The following TEKT5 variants were observed in gnomAD, a reference collection of about 807,000 sequenced individuals.
TEKT5 encodes the protein tektin 5, also known as tektin-5.
A neutral mutation model predicts 48.7 loss-of-function variants in TEKT5; 52 were observed. The observed-to-expected ratio is 1.07, with a 90% CI of 0.86 to 1.35. The LOEUF (loss-of-function observed/expected upper bound fraction) is 1.35, where lower values mean the gene tolerates loss of function less well. TEKT5 is among the 40% of genes most tolerant of loss of function. The pLI is 0.00. For synonymous variants in TEKT5, 318 were observed against 267.6 expected (o/e 1.19, Z -1.84); for missense variants, 831 against 641.6 (o/e 1.30, Z -3.19).
At position 10,690,265 on chromosome 16, in the gene TEKT5, G is replaced by A. The variant is rs191328678; in HGVS notation, c.565-240C>T. 2.5e-5 allele frequency: 13 copies of A among 519,696 alleles called. No homozygotes were observed. The East Asian group carries it at 4.0e-4, about 16-fold the overall frequency. The allele number at this position is 519,696 out of a possible 1,614,324, so 32.2% of individuals were successfully genotyped here. A position where few individuals can be genotyped will look rare whatever the true frequency, so the allele number is the denominator to read the frequency against. On this transcript the variant is annotated intron_variant, in intron 1 of 6. Transcript: ENST00000283025. ...TGCAAGGCCCATGTAGAGAAAACAG[G>A]ATAAAGTAGCATCCCAAGAACCAAT...
intron 5 of TEKT5, among the ~76,000 whole-genome samples, chr16:10,640,761 C>A (rs1281599141): frequency 2.6e-5 from 4 of 152,188 alleles, no homozygotes; most frequent in African/African-American, 9.7e-5. Context: ...GGCTTCTTCA[C>A]TCAGCATAAT....
At chr16:10,689,763 C>T (rs1898933474) in intron 2 of TEKT5, among the ~76,000 whole-genome samples, 179 bp downstream of exon 2, 1 of 152,080 alleles carries the variant, frequency 6.6e-6, no homozygotes, top group East Asian at 1.9e-4. Flanking sequence ...GGTCAAATAA[C>T]TCCATTACTC....
intron 5 of TEKT5, among the ~76,000 whole-genome samples, chr16:10,640,074 C>CTTCTTCCCTTCCTTCCT (rs1897970802): frequency 7.3e-6 from 1 of 136,556 alleles, no homozygotes; most frequent in African/African-American, 3.0e-5. Flanking sequence ...TTTCTTTCTC[C>CTTCTTCCCTTCCTTCCT]TTCTTCTCCT....
Position 10,690,020 on chromosome 16 carries a change from G to C in TEKT5, c.570C>G (p.Ala190=). The C allele has an allele frequency of 6.2e-7, 1 of 1,613,974 alleles. No individual in the cohort carries two copies. Among genetic ancestry groups the C allele is most frequent in the South Asian group, 1.1e-5 (1 of 91,072 alleles). Residue 190 remains alanine (A), a synonymous_variant, in exon 2 of 7, where the codon GCC becomes GCG. Coordinates refer to ENST00000283025, the MANE Select transcript of TEKT5 (RefSeq NM_144674.2). ...ANEVNCPLQV[A]LECLYHREKR... Reference sequence around the variant, plus strand: ...TCTCTCGATGGTACAGACACTCCAAGGCCACCTGTGGGAAGCAGCAGAAAG... The same window carrying C: ...TCTCTCGATGGTACAGACACTCCAACGCCACCTGTGGGAAGCAGCAGAAAG...
Position 10,627,681 on chromosome 16 carries a change from G to C in TEKT5, c.1360C>G (p.Leu454Val), listed in dbSNP as rs752506226. ...CAGAGGGTGTTGGCCTTGATGGCGA[G>C]CTCGTGCTCCAGCCGGCACTTGGTC... ...VMTKCRLEHE[L>V]AIKANTLCID... The change falls in exon 7 of 7, where the codon CTC (leucine) becomes GTC (valine). Residue 454 changes from leucine to valine, a missense_variant. By Grantham distance (32) the Leu-to-Val change is conservative. Transcript: ENST00000283025. The C allele has an allele frequency of 6.2e-7, 1 of 1,614,202 alleles. No homozygotes were observed. Among genetic ancestry groups the C allele is most frequent in the Non-Finnish European group, 8.5e-7 (1 of 1,180,042 alleles).
chr16:10,635,655 G>A, intron 6 of TEKT5, 109 bp downstream of exon 6: 4 of 1,479,506 alleles, frequency 2.7e-6, no homozygotes, highest in Non-Finnish European at 2.7e-6. Flanking sequence ...CCTGATTGAA[G>A]GAGGGTCCAT....
Position 10,627,819 on chromosome 16 carries a change from G to C in TEKT5, c.1242-20C>G. The C allele has an allele frequency of 1.2e-6, 2 of 1,603,612 alleles. No homozygotes were observed. Among genetic ancestry groups the C allele is most frequent in the Non-Finnish European group, 1.7e-6 (2 of 1,171,052 alleles). The stretch of plus-strand genomic sequence containing the variant: ...ACCAGCCTGGGGTGAGGGCAGAGGA[G>C]AAGGCACAGGTTATTCATTTATTTT... On this transcript the variant is annotated intron_variant, in intron 6 of 6. Coordinates refer to ENST00000283025, the MANE Select transcript of TEKT5 (RefSeq NM_144674.2).
intron 5 of TEKT5, among the ~76,000 whole-genome samples, chr16:10,666,251 C>G (rs1019820051): frequency 6.6e-6 from 1 of 152,116 alleles, no homozygotes; most frequent in Non-Finnish European, 1.5e-5. Flanking sequence ...TTGGCCTGTT[C>G]AGGCAACAGT....
intron 5 of TEKT5, among the ~76,000 whole-genome samples, chr16:10,668,263 G>A (rs989852797): frequency 8.5e-5 from 13 of 152,270 alleles, no homozygotes; most frequent in Admixed American, 7.9e-4. Flanking sequence ...TGTTAGAAAG[G>A]CAGACGGGCA....
chr16:10,667,931 G>C (rs1251760787), intron 5 of TEKT5, among the ~76,000 whole-genome samples: 1 of 151,344 alleles, frequency 6.6e-6, no homozygotes, highest in Non-Finnish European at 1.5e-5. Context: ...AGGCTGGAGT[G>C]CAGTGGCATG....
intron 5 of TEKT5, among the ~76,000 whole-genome samples, chr16:10,638,649 T>A (rs1897949265): frequency 6.6e-6 from 1 of 152,128 alleles, no homozygotes; most frequent in African/African-American, 2.4e-5. Context: ...CTTCATGGGG[T>A]CACCTGCTAG....
chr16:10,643,940 G>A (rs1295224450), intron 5 of TEKT5, among the ~76,000 whole-genome samples: 4 of 152,112 alleles, frequency 2.6e-5, no homozygotes, highest in South Asian at 4.1e-4. Flanking sequence ...TACGCGGGAG[G>A]CTGAGGCAGG....
intron 5 of TEKT5, among the ~76,000 whole-genome samples, chr16:10,657,706 C>T (rs1467986411): frequency 1.3e-5 from 2 of 151,670 alleles, no homozygotes; most frequent in Non-Finnish European, 2.9e-5. Flanking sequence ...TCTCCTGCCT[C>T]AGCCTCCTGA....
chr16:10,662,324 T>C (rs576369598), intron 5 of TEKT5, among the ~76,000 whole-genome samples: 75 of 152,336 alleles, frequency 4.9e-4, no homozygotes, highest in African/African-American at 1.8e-3. Flanking sequence ...ATTACTGTTG[T>C]CATAAGGCTG....
intron 5 of TEKT5, 65 bp downstream of exon 5, chr16:10,675,894 C>T: frequency 2.6e-6 from 4 of 1,538,130 alleles, no homozygotes; most frequent in Non-Finnish European, 3.6e-6. Flanking sequence ...AGATAACACT[C>T]AGATTCACGG....
rs764975878 is a variant in TEKT5 at position 10,694,876 on chromosome 16, T to G, written c.-3A>C. 1.6e-5 allele frequency: 24 copies of G among 1,537,090 alleles called. No homozygotes were observed. The highest frequency in any genetic ancestry group is 2.1e-5 in the Non-Finnish European group (24 of 1,146,354). On this transcript the variant is annotated 5_prime_UTR_variant, in exon 1 of 7. Coordinates refer to ENST00000283025, the MANE Select transcript of TEKT5 (RefSeq NM_144674.2). ...TGAGTAGTCCCAAGAAACTCCATCC[T>G]CCCTCATGAGCCCCACTCGGGCAAA... is the stretch of plus-strand genomic sequence containing the variant.
intron 6 of TEKT5, among the ~76,000 whole-genome samples, chr16:10,631,099 C>A (rs1274248660): frequency 4.0e-5 from 6 of 151,218 alleles, no homozygotes; most frequent in African/African-American, 1.2e-4. Context: ...CACACACACA[C>A]ACAAAAATTA....
At chr16:10,629,749 C>CT (rs1170337122) in intron 6 of TEKT5, among the ~76,000 whole-genome samples, 1 of 116,566 alleles carries the variant, frequency 8.6e-6, no homozygotes, top group African/African-American at 3.4e-5. Context: ...AGGATAGTCC[C>CT]TGCCAGCGGC....
intron 5 of TEKT5, among the ~76,000 whole-genome samples, chr16:10,636,462 A>G (rs1897915171): frequency 6.6e-6 from 1 of 152,002 alleles, no homozygotes; most frequent in African/African-American, 2.4e-5. Flanking sequence ...AAGACGGGCC[A>G]GTATCATGGT....
Sources: allele counts gnomAD v4.1 joint callset (sites outside exome capture counted in the v4.1 genomes callset), GRCh38; gene constraint gnomAD v4.1.1; transcripts MANE v1.5; gene names NCBI Gene and HGNC (gene_info 2026-07-23, HGNC 2026-07-21).